RBM19: variants seen among roughly 807,000 people sequenced by gnomAD.
RBM19 encodes the protein RNA binding motif protein 19.
In RBM19, 94 loss-of-function variants were observed where a neutral mutation model predicts 116.8. The observed-to-expected ratio is 0.80, with a 90% CI of 0.68 to 0.95. The LOEUF (loss-of-function observed/expected upper bound fraction) is 0.95. Ranked by LOEUF, RBM19 falls within the 40% of genes least tolerant of loss-of-function variation. The pLI is 0.00. For missense variants in RBM19, 1,161 were observed against 1,220.7 expected (o/e 0.95, Z 0.73); for synonymous variants, 475 against 494.1 (o/e 0.96, Z 0.51).
At chr12:113,896,735 T>C (rs1881357192) in intron 21 of RBM19, among the ~76,000 whole-genome samples, 1 of 152,036 alleles carries the variant, frequency 6.6e-6, no homozygotes, top group Admixed American at 6.6e-5. Flanking sequence ...GATGGTGAAA[T>C]GTACGAAGAG....
rs16943434 is a variant in RBM19, at chr12:113,939,848, G to A, written c.1938+112C>T. ...GCCATGATCGTGACGGGCGGTTTAGGGTGAGCTCCCATGTGCCACATCTGT... is the reference window on the plus strand; with the variant it reads ...GCCATGATCGTGACGGGCGGTTTAGAGTGAGCTCCCATGTGCCACATCTGT... On this transcript the variant is annotated intron_variant, in intron 15 of 23. Coordinates refer to ENST00000261741, the MANE Select transcript of RBM19 (RefSeq NM_016196.4). The A allele has an allele frequency of 6.4e-3, 7,519 of 1,173,584 alleles. 294 individuals are homozygous for A. In the East Asian group the frequency reaches 0.1, roughly 16 times the overall value. 72.7% of individuals were successfully genotyped at this position (1,173,584 alleles called of 1,614,324 possible). A position where few individuals can be genotyped will look rare whatever the true frequency, so the allele number is the denominator to read the frequency against.
At chr12:113,926,970 G>T in intron 17 of RBM19, 84 bp downstream of exon 17, 1 of 1,438,798 alleles carries the variant, frequency 7.0e-7, no homozygotes, top group Non-Finnish European at 9.4e-7. Flanking sequence ...TCATGTTTCA[G>T]GGCAGAATAA....
chr12:113,957,558 C>T (rs1872054419), intron 6 of RBM19, among the ~76,000 whole-genome samples: 1 of 144,864 alleles, frequency 6.9e-6, no homozygotes, highest in Non-Finnish European at 1.6e-5. Flanking sequence ...CAGAGTGAGA[C>T]TCTGTCTCAA....
intron 23 of RBM19, among the ~76,000 whole-genome samples, chr12:113,824,955 C>T (rs532415445): frequency 6.6e-6 from 1 of 152,260 alleles, no homozygotes; most frequent in African/African-American, 2.4e-5. Flanking sequence ...GGAGCTGGCC[C>T]ACCTCCCCCT....
At chr12:113,965,461 A>G (rs1181159586) in intron 1 of RBM19, among the ~76,000 whole-genome samples, 1 of 152,212 alleles carries the variant, frequency 6.6e-6, no homozygotes, top group Admixed American at 6.5e-5. Flanking sequence ...CATCCCACAA[A>G]GCGAGGCATC....
intron 21 of RBM19, among the ~76,000 whole-genome samples, chr12:113,864,814 G>A (rs1306089092): frequency 6.6e-6 from 1 of 152,208 alleles, no homozygotes; most frequent in Non-Finnish European, 1.5e-5. Flanking sequence ...CTCTCTAACA[G>A]AGGCTAATCC....
intron 21 of RBM19, among the ~76,000 whole-genome samples, chr12:113,870,342 G>T: frequency 6.6e-6 from 1 of 152,198 alleles, no homozygotes; most frequent in Non-Finnish European, 1.5e-5. Flanking sequence ...CGCCTGCCAC[G>T]TCTCCTACAG....
intron 21 of RBM19, among the ~76,000 whole-genome samples, chr12:113,892,538 G>A (rs920456565): frequency 6.6e-6 from 1 of 152,210 alleles, no homozygotes; most frequent in African/African-American, 2.4e-5. Context: ...AAAGAGTTTT[G>A]TGTATGAAAG....
At chr12:113,953,861 C>CTTAA (rs199923232) in intron 7 of RBM19, among the ~76,000 whole-genome samples, 2 of 152,194 alleles carry the variant, frequency 1.3e-5, no homozygotes, top group Admixed American at 6.5e-5. Flanking sequence ...TAAAGGATTA[C>CTTAA]CAAAAAAAGA....
intron 10 of RBM19, among the ~76,000 whole-genome samples, chr12:113,948,204 C>A (rs544944410): frequency 1.2e-4 from 18 of 152,308 alleles, no homozygotes; most frequent in African/African-American, 4.1e-4. Flanking sequence ...GGAGACACTG[C>A]GGGGATCTCA....
chr12:113,901,005 A>C (rs1207600832), intron 21 of RBM19, among the ~76,000 whole-genome samples: 3 of 152,248 alleles, frequency 2.0e-5, no homozygotes, highest in Non-Finnish European at 2.9e-5. Context: ...AGACACAGAT[A>C]GACAGAAGCC....
intron 9 of RBM19, among the ~76,000 whole-genome samples, chr12:113,949,500 C>T (rs1235695907): frequency 6.6e-6 from 1 of 152,228 alleles, no homozygotes; most frequent in Non-Finnish European, 1.5e-5. Flanking sequence ...CACCTCCTGA[C>T]TTGCTAACAA....
intron 21 of RBM19, among the ~76,000 whole-genome samples, chr12:113,897,148 T>C (rs893118136): frequency 6.6e-6 from 1 of 152,220 alleles, no homozygotes; most frequent in Non-Finnish European, 1.5e-5. Flanking sequence ...ATTTTATAGA[T>C]GCAGATACTG....
At chr12:113,908,001 G>C (rs1882183588) in intron 21 of RBM19, among the ~76,000 whole-genome samples, 1 of 152,120 alleles carries the variant, frequency 6.6e-6, no homozygotes, top group Non-Finnish European at 1.5e-5. Flanking sequence ...TTTGGGAGGA[G>C]ACGACCTGTG....
intron 14 of RBM19, among the ~76,000 whole-genome samples, chr12:113,941,608 T>C (rs1332287372): frequency 7.2e-6 from 1 of 139,562 alleles, no homozygotes; most frequent in Non-Finnish European, 1.6e-5. Context: ...CATCCATCCA[T>C]CCAACCATCA....
intron 21 of RBM19, among the ~76,000 whole-genome samples, chr12:113,878,841 AAAG>A (rs1879865748): frequency 7.1e-6 from 1 of 141,214 alleles, no homozygotes; most frequent in Non-Finnish European, 1.5e-5. Flanking sequence ...AAAAAAAAAA[AAAG>A]GGGGGGGTGG....
At chr12:113,892,342 C>T (rs988750453) in intron 21 of RBM19, among the ~76,000 whole-genome samples, 2 of 152,098 alleles carry the variant, frequency 1.3e-5, no homozygotes, top group African/African-American at 2.4e-5. Flanking sequence ...CCTCCAGAGG[C>T]ATAGGAAAAA....
chr12:113,942,984 C>T (rs1870712088), intron 13 of RBM19, among the ~76,000 whole-genome samples: 1 of 152,190 alleles, frequency 6.6e-6, no homozygotes, highest in Admixed American at 6.5e-5. Flanking sequence ...TGCACTCCCT[C>T]CCCTCATCAT....
rs140211492 is a variant in RBM19 at position 113,898,745 on chromosome 12, G to T, written c.2558+16224C>A. On this transcript the variant is annotated intron_variant, in intron 21 of 23. Coordinates refer to ENST00000261741, the MANE Select transcript of RBM19 (RefSeq NM_016196.4). The surrounding 1 kb of genome is among the most constrained non-coding windows in gnomAD (Gnocchi z 4.3). ...CATTCTCTGCATTAGTATTACTGAC[G>T]TAAAAGAACCGAAACAGATTATAGA... 6.6e-6 allele frequency among the ~76,000 whole-genome samples: 1 copy of T among 152,152 alleles called. No homozygotes were observed. Among genetic ancestry groups the T allele is most frequent in the Non-Finnish European group, 1.5e-5 (1 of 68,032 alleles).
Sources: allele counts gnomAD v4.1 joint callset (sites outside exome capture counted in the v4.1 genomes callset), GRCh38; gene constraint gnomAD v4.1.1; non-coding constraint Gnocchi (gnomAD v3.1); transcripts MANE v1.5; gene names NCBI Gene and HGNC (gene_info 2026-07-23, HGNC 2026-07-21).